The following BCL11A variants were observed in gnomAD, a reference collection of about 807,000 sequenced individuals.
BCL11A encodes BCL11 transcription factor A.
A neutral mutation model predicts 55.9 loss-of-function variants in BCL11A; 2 were observed. That is an observed-to-expected ratio of 0.04 (90% CI 0.01 to 0.11). The LOEUF is 0.11. Among genes scored for constraint, BCL11A ranks in the 10% least tolerant of loss-of-function variants. The pLI is 1.00. For missense variants in BCL11A, 817 were observed against 1,137.1 expected, an observed-to-expected ratio of 0.72 and a Z score of 4.05; for synonymous variants, 465 against 473.4, an observed-to-expected ratio of 0.98 and a Z score of 0.23.
At chr2:60,513,106 T>A (rs1004139880) in intron 2 of BCL11A, among the ~76,000 whole-genome samples, 1 of 152,100 alleles carries the variant, frequency 6.6e-6, no homozygotes, top group Non-Finnish European at 1.5e-5. Context: ...TCATGAGGAC[T>A]CACCACCCCA....
intron 2 of BCL11A, among the ~76,000 whole-genome samples, chr2:60,494,507 G>T (rs1188341694): frequency 6.6e-6 from 1 of 152,230 alleles, no homozygotes; most frequent in Non-Finnish European, 1.5e-5. Flanking sequence ...TATCAAAGGG[G>T]ACGAAAAGTG....
At chr2:60,452,855 C>T, downstream of BCL11A, 2 of 534,990 alleles carry the variant, frequency 3.7e-6, no homozygotes, top group East Asian at 3.2e-5. Flanking sequence ...ACCTCTGAGT[C>T]GTCTTCCCAT....
At position 60,461,189 on chromosome 2, in the gene BCL11A, G is replaced by A. The variant is rs747373412; in HGVS notation, c.1723C>T (p.Leu575=). 4 of 1,612,550 alleles carry A rather than the reference G, an allele frequency of 2.5e-6. No homozygotes were observed. Among genetic ancestry groups the A allele is most frequent in the Non-Finnish European group, 3.4e-6 (4 of 1,179,842 alleles). The change falls in exon 4 of 4, where the codon CTG becomes TTG. Residue 575 remains leucine (L), a synonymous_variant. Coordinates refer to ENST00000642384, the MANE Select transcript of BCL11A (RefSeq NM_022893.4). The stretch of plus-strand genomic sequence containing the variant: ...TCCCTGTGGCCCTCGGCCTCGGCCA[G>A]GTGGCCGCGCTTATGCTTCTCGCCC... ...VLGEKHKRGH[L]AEAEGHRDTC...
intron 2 of BCL11A, among the ~76,000 whole-genome samples, chr2:60,518,476 T>A (rs1203533012): frequency 6.6e-6 from 1 of 152,128 alleles, no homozygotes; most frequent in Non-Finnish European, 1.5e-5. Context: ...TCACCTGCAT[T>A]TAAATATGAA....
At chr2:60,467,936 G>C (rs1676927098) in intron 3 of BCL11A, among the ~76,000 whole-genome samples, 3 of 133,958 alleles carry the variant, frequency 2.2e-5, no homozygotes, top group African/African-American at 5.6e-5. Flanking sequence ...GGTAGTGATG[G>C]TGGTGGTGGT....
At chr2:60,493,682 C>G (rs1678781391) in intron 2 of BCL11A, among the ~76,000 whole-genome samples, 1 of 152,190 alleles carries the variant, frequency 6.6e-6, no homozygotes, top group Non-Finnish European at 1.5e-5. Flanking sequence ...GTTGACCTCC[C>G]CCATTAGCAG....
At chr2:60,510,256 C>A (rs926784685) in intron 2 of BCL11A, among the ~76,000 whole-genome samples, 3 of 152,192 alleles carry the variant, frequency 2.0e-5, no homozygotes, top group African/African-American at 7.2e-5. Flanking sequence ...GCTCTACGTC[C>A]TTCAAGGAGC....
chr2:60,507,858 A>G (rs1391787523), intron 2 of BCL11A, among the ~76,000 whole-genome samples: 1 of 152,236 alleles, frequency 6.6e-6, no homozygotes, highest in Non-Finnish European at 1.5e-5. Context: ...ATGCTCCTGT[A>G]ACAAAGGACA....
intron 2 of BCL11A, among the ~76,000 whole-genome samples, chr2:60,516,280 T>C (rs1207029106): frequency 1.3e-5 from 2 of 152,242 alleles, no homozygotes; most frequent in African/African-American, 4.8e-5. Flanking sequence ...GACCCACTCC[T>C]ATTATTAAAA....
chr2:60,523,443 A>C (rs956874184), intron 2 of BCL11A, among the ~76,000 whole-genome samples: 1 of 152,188 alleles, frequency 6.6e-6, no homozygotes, highest in South Asian at 2.1e-4. Flanking sequence ...AAAAACTTCT[A>C]TATTGATTTG....
chr2:60,505,443 C>CTGACTACCT (rs1679533204), intron 2 of BCL11A, among the ~76,000 whole-genome samples: 2 of 152,188 alleles, frequency 1.3e-5, no homozygotes, highest in Non-Finnish European at 2.9e-5. Context: ...GGTAGTCAGC[C>CTGACTACCT]GAGTGAGGCT....
chr2:60,527,130 G>GT (rs1669240298), intron 2 of BCL11A: 1 of 152,064 alleles, frequency 6.6e-6, no homozygotes, highest in African/African-American at 2.4e-5. Flanking sequence ...TGCCTCTTGG[G>GT]ACATCAAATT....
chr2:60,552,145 C>G (rs1306851472), intron 1 of BCL11A, among the ~76,000 whole-genome samples: 1 of 141,024 alleles, frequency 7.1e-6, no homozygotes, highest in Non-Finnish European at 1.5e-5. Context: ...TGCAGGGGGG[C>G]TGGTGGGGGA....
chr2:60,505,617 G>T (rs1476199549), intron 2 of BCL11A, among the ~76,000 whole-genome samples: 1 of 152,166 alleles, frequency 6.6e-6, no homozygotes, highest in African/African-American at 2.4e-5. Flanking sequence ...TCCCTAAGCT[G>T]TTGTTCAGGG....
At chr2:60,469,169 T>C (rs1677058949) in intron 2 of BCL11A, among the ~76,000 whole-genome samples, 1 of 152,186 alleles carries the variant, frequency 6.6e-6, no homozygotes, top group African/African-American at 2.4e-5. Context: ...GGAAAACTGG[T>C]AATATTGTGG....
intron 2 of BCL11A, among the ~76,000 whole-genome samples, chr2:60,490,411 AG>A (rs1678558260): frequency 6.6e-5 from 10 of 152,172 alleles, no homozygotes; most frequent in Admixed American, 6.5e-4. Flanking sequence ...TTTCTATTCC[AG>A]TCTTAGTTCC....
downstream of BCL11A, among the ~76,000 whole-genome samples, chr2:60,455,614 T>C (rs1191101056): frequency 6.6e-6 from 1 of 152,204 alleles, no homozygotes; most frequent in African/African-American, 2.4e-5. Flanking sequence ...ATTTAAGAAA[T>C]TTGAACAGAC....
At position 60,487,040 on chromosome 2, in the gene BCL11A, A is replaced by C. The variant is rs187933132; in HGVS notation, c.386-18207T>G. Among the ~76,000 whole-genome samples the C allele has an allele frequency of 2.8e-3, 423 of 152,390 alleles. 2 individuals are homozygous for C. Among genetic ancestry groups the C allele is most frequent in the African/African-American group, 9.7e-3 (403 of 41,598 alleles). On this transcript the variant is annotated intron_variant, in intron 2 of 3. Transcript: ENST00000642384. ...TCCTTTAAGTCTAACGTTGCTATTC[A>C]GGCATTTAGGAGCGCTAGACACAGT...
chr2:60,497,908 G>C lies in BCL11A; in HGVS notation c.386-29075C>G, dbSNP rs45442493. Among the ~76,000 whole-genome samples the C allele has an allele frequency of 2.9e-3, 444 of 152,210 alleles. 1 individual carries two copies. The highest frequency in any genetic ancestry group is 4.6e-3 in the Non-Finnish European group (316 of 68,012). On this transcript the variant is annotated intron_variant, in intron 2 of 3. Transcript: ENST00000642384. ...CCTCTGCAGGATGGAAGTGAGCCAG[G>C]TGATAGAAGGGGGAGCCTGGACCCA...
Sources: gnomAD v4.1 joint callset for allele counts (sites outside exome capture counted in the v4.1 genomes callset) on GRCh38, gnomAD v4.1.1 for gene constraint, MANE v1.5 for transcripts, NCBI Gene and HGNC (gene_info 2026-07-23, HGNC 2026-07-21) for gene names.